The following RNF185 variants were observed in gnomAD, a reference collection of about 807,000 sequenced individuals.
RNF185 encodes ring finger protein 185.
In RNF185, 13 loss-of-function variants were observed where a neutral mutation model predicts 24.9. That is an observed-to-expected ratio of 0.52 (90% CI 0.34 to 0.83). The LOEUF (loss-of-function observed/expected upper bound fraction) is 0.83, where lower values mean the gene tolerates loss of function less well. Among genes scored for constraint, RNF185 ranks in the 40% least tolerant of loss-of-function variants. The pLI is 0.01. For missense variants in RNF185, 184 were observed against 244.7 expected (o/e 0.75, Z 1.65); for synonymous variants, 79 against 90.3 (o/e 0.88, Z 0.71).
chr22:31,179,330 T>C (rs2048012421), intron 1 of RNF185, among the ~76,000 whole-genome samples: 1 of 152,196 alleles, frequency 6.6e-6, no homozygotes, highest in Non-Finnish European at 1.5e-5. Context: ...AGGTGCTCAG[T>C]AGACAATCCC....
chr22:31,172,483 T>G (rs1221986355), intron 1 of RNF185, among the ~76,000 whole-genome samples: 1 of 152,004 alleles, frequency 6.6e-6, no homozygotes, highest in Non-Finnish European at 1.5e-5. Flanking sequence ...GCGCGGTGGC[T>G]CATGCCTGTA....
chr22:31,195,402 G>T (rs941145370), intron 3 of RNF185, 67 bp from the exon 4 acceptor site: 6 of 1,065,078 alleles, frequency 5.6e-6, no homozygotes, highest in Admixed American at 4.2e-5. Context: ...TGTTGTTCTG[G>T]TGGCTCTGGC....
intron 1 of RNF185, among the ~76,000 whole-genome samples, chr22:31,171,219 G>T (rs2047926279): frequency 6.8e-6 from 1 of 147,798 alleles, no homozygotes; most frequent in Non-Finnish European, 1.5e-5. Flanking sequence ...GCCCAGGCTG[G>T]AGTGCAATGG....
At chr22:31,199,491 C>T (rs778010109) in intron 5 of RNF185, among the ~76,000 whole-genome samples, 1 of 152,232 alleles carries the variant, frequency 6.6e-6, no homozygotes, top group Non-Finnish European at 1.5e-5. Flanking sequence ...AAAGTGCATA[C>T]CTCTAGCATT....
rs149962048 is a variant in RNF185, at chr22:31,173,890, C to T, written c.-48-13157C>T. On this transcript the variant is annotated intron_variant, in intron 1 of 6. Transcript: ENST00000326132. ...AACATACACAGTTCTGATGTCTCAT[C>T]TACTCTGCATTCAAGGAATGATGCT... Among the ~76,000 whole-genome samples, 904 of 152,286 alleles carry T rather than the reference C, an allele frequency of 5.9e-3. 6 individuals are homozygous for T. Among genetic ancestry groups the T allele is most frequent in the African/African-American group, 0.021 (865 of 41,546 alleles).
chr22:31,195,619 C>G (rs1010214078), intron 4 of RNF185, 38 bp downstream of exon 4: 38 of 1,329,780 alleles, frequency 2.9e-5, no homozygotes, highest in Non-Finnish European at 3.7e-5. Context: ...CACTTCTCCC[C>G]TTGGATGTGA....
chr22:31,165,265 A>G (rs1252489722), intron 1 of RNF185, among the ~76,000 whole-genome samples: 1 of 151,968 alleles, frequency 6.6e-6, no homozygotes, highest in East Asian at 1.9e-4. Context: ...CATCCACAAC[A>G]CTTGTTATTG....
intron 2 of RNF185, among the ~76,000 whole-genome samples, chr22:31,189,435 G>A (rs981954500): frequency 3.2e-4 from 48 of 150,390 alleles, no homozygotes; most frequent in East Asian, 3.9e-4. Flanking sequence ...GGGACTGCAG[G>A]AATGCACCAC....
chr22:31,171,329 C>G (rs2047927499), intron 1 of RNF185, among the ~76,000 whole-genome samples: 1 of 151,330 alleles, frequency 6.6e-6, no homozygotes, highest in Admixed American at 6.6e-5. Context: ...ACCACTATGA[C>G]CAGCTAATTT....
chr22:31,190,805 T>C (rs1261410560), intron 2 of RNF185, among the ~76,000 whole-genome samples: 4 of 151,884 alleles, frequency 2.6e-5, no homozygotes, highest in African/African-American at 9.7e-5. Flanking sequence ...GGTTTCACCA[T>C]GTTGGCCAGG....
chr22:31,189,755 C>CA, intron 2 of RNF185, among the ~76,000 whole-genome samples: 1 of 36,908 alleles, frequency 2.7e-5, no homozygotes, highest in African/African-American at 2.0e-4. Flanking sequence ...ACAGGTGCAC[C>CA]CAGCTAATTT....
chr22:31,179,076 TG>T (rs1429617267), intron 1 of RNF185, among the ~76,000 whole-genome samples: 1 of 151,854 alleles, frequency 6.6e-6, no homozygotes, highest in Non-Finnish European at 1.5e-5. Context: ...AACTAGAGAG[TG>T]GATTCTGGTC....
chr22:31,186,027 C>T (rs1341357437), intron 1 of RNF185, among the ~76,000 whole-genome samples: 3 of 152,092 alleles, frequency 2.0e-5, no homozygotes. Flanking sequence ...CAGGTGATGT[C>T]AGGTGGTATG....
rs1416451638 is a variant in RNF185, at chr22:31,206,544, A to G, written c.*1958A>G. 1 of 152,216 alleles carries G rather than the reference A, an allele frequency of 6.6e-6. No individual in the cohort carries two copies. The highest frequency in any genetic ancestry group is 1.9e-4 in the East Asian group (1 of 5,194). 9.4% of individuals were successfully genotyped at this position (152,216 alleles called of 1,614,324 possible). On this transcript the variant is annotated 3_prime_UTR_variant, in exon 7 of 7. Coordinates refer to ENST00000326132, the MANE Select transcript of RNF185 (RefSeq NM_152267.4). ...ACAGAAATGGGTTTCCAGAAGAATAATGAAAAGTTGTGGGTAGGAAAATGA... is the reference window on the plus strand; with the variant it reads ...ACAGAAATGGGTTTCCAGAAGAATAGTGAAAAGTTGTGGGTAGGAAAATGA...
chr22:31,176,890 G>A (rs1164153332), intron 1 of RNF185, among the ~76,000 whole-genome samples: 3 of 152,162 alleles, frequency 2.0e-5, no homozygotes, highest in Admixed American at 6.6e-5. Context: ...AATCTATTAT[G>A]TGGACGTACC....
rs1244705824 is a variant in RNF185, at chr22:31,177,244, A to AT, written c.-48-9803_-48-9802insT. 1.1e-3 allele frequency among the ~76,000 whole-genome samples: 174 copies of AT among 151,772 alleles called. 4 individuals carry two copies. The highest frequency in any genetic ancestry group is 5.9e-5 in the Non-Finnish European group (4 of 67,952). On this transcript the variant is annotated intron_variant, in intron 1 of 6. Transcript: ENST00000326132. ...GTGTCTCCCTTTAGACTGAAAAAAAAGTTTTATTTCTGTATCTTGAATGCC... is the reference window on the plus strand; with the variant it reads ...GTGTCTCCCTTTAGACTGAAAAAAAATGTTTTATTTCTGTATCTTGAATGCC...
At chr22:31,191,486 C>T (rs1268438721) in intron 2 of RNF185, among the ~76,000 whole-genome samples, 1 of 152,118 alleles carries the variant, frequency 6.6e-6, no homozygotes, top group Non-Finnish European at 1.5e-5. Context: ...TCCTGGCCTA[C>T]ATAGTAGGTA....
At chr22:31,173,999 A>G (rs1318562286) in intron 1 of RNF185, among the ~76,000 whole-genome samples, 1 of 152,258 alleles carries the variant, frequency 6.6e-6, no homozygotes, top group Non-Finnish European at 1.5e-5. Flanking sequence ...AGGAATATAC[A>G]AAAACAGTTT....
intron 1 of RNF185, among the ~76,000 whole-genome samples, chr22:31,168,025 A>G (rs1213533517): frequency 1.3e-5 from 2 of 152,342 alleles, no homozygotes; most frequent in African/African-American, 2.4e-5. Context: ...CATCACCACC[A>G]TCTACCTCCA....
Sources: gnomAD v4.1 joint callset for allele counts (sites outside exome capture counted in the v4.1 genomes callset) on GRCh38, gnomAD v4.1.1 for gene constraint, MANE v1.5 for transcripts, NCBI Gene and HGNC (gene_info 2026-07-23, HGNC 2026-07-21) for gene names.